The following ASPH variants were observed in gnomAD, a reference collection of about 807,000 sequenced individuals.
The protein encoded by ASPH is aspartate beta-hydroxylase.
In ASPH, 100 loss-of-function variants were observed where a neutral mutation model predicts 118.4. The observed-to-expected ratio is 0.84, with a 90% confidence interval of 0.72 to 1.00. The LOEUF (loss-of-function observed/expected upper bound fraction) is 1.00. Among genes scored for constraint, ASPH ranks in the 50% least tolerant of loss-of-function variants. The pLI is 0.00. For synonymous variants in ASPH, 315 were observed against 325.6 expected, an observed-to-expected ratio of 0.97 and a Z score of 0.35; for missense variants, 920 against 919.5, an observed-to-expected ratio of 1.00 and a Z score of -0.01.
intron 13 of ASPH, 157 bp downstream of exon 13, chr8:61,633,526 G>A: frequency 1.8e-6 from 1 of 567,116 alleles, no homozygotes; most frequent in Non-Finnish European, 3.0e-6. Context: ...CCATTACTTT[G>A]GTTGAACTGA....
At chr8:61,537,028 C>G (rs1819889896) in intron 21 of ASPH, among the ~76,000 whole-genome samples, 1 of 152,158 alleles carries the variant, frequency 6.6e-6, no homozygotes, top group South Asian at 2.1e-4. Flanking sequence ...GATTGCTTCA[C>G]CTGAGAGGAA....
intron 13 of ASPH, chr8:61,625,178 G>A (rs1852294328): frequency 2.0e-6 from 2 of 985,502 alleles, no homozygotes; most frequent in African/African-American, 1.7e-5. Flanking sequence ...TCTGACAAAG[G>A]ATTATTTTCA....
intron 3 of ASPH, chr8:61,663,537 T>A: frequency 1.0e-6 from 1 of 985,358 alleles, no homozygotes; most frequent in East Asian, 1.1e-4. Flanking sequence ...GAACTCTGAT[T>A]CCAGGTCTAG....
chr8:61,705,375 T>C (rs867413895), intron 1 of ASPH, among the ~76,000 whole-genome samples: 13 of 152,122 alleles, frequency 8.5e-5, no homozygotes, highest in Non-Finnish European at 1.6e-4. Context: ...AACAAACCTG[T>C]ATATGTACCC....
At chr8:61,632,570 C>T (rs1856055563) in intron 13 of ASPH, 2 of 426,592 alleles carry the variant, frequency 4.7e-6, no homozygotes, top group Non-Finnish European at 9.2e-6. Context: ...TACACACTGC[C>T]TAGTAGTCAT....
intron 3 of ASPH, among the ~76,000 whole-genome samples, chr8:61,679,857 T>C (rs1329483499): frequency 2.7e-5 from 4 of 150,888 alleles, no homozygotes; most frequent in East Asian, 1.9e-4. Flanking sequence ...CAGGACTACA[T>C]TGAAAATTTC....
intron 21 of ASPH, among the ~76,000 whole-genome samples, chr8:61,535,141 C>T (rs562321044): frequency 9.2e-5 from 14 of 152,308 alleles, no homozygotes; most frequent in African/African-American, 3.4e-4. Context: ...AACACAGTCT[C>T]TTAATACAGT....
intron 3 of ASPH, among the ~76,000 whole-genome samples, chr8:61,678,178 G>A (rs1025650411): frequency 1.1e-4 from 16 of 152,122 alleles, no homozygotes; most frequent in Admixed American, 5.9e-4. Context: ...TACCTGATAC[G>A]ATGCCAGCTA....
At chr8:61,512,658 T>G (rs968819403) in intron 24 of ASPH, among the ~76,000 whole-genome samples, 2 of 152,208 alleles carry the variant, frequency 1.3e-5, no homozygotes, top group South Asian at 4.1e-4. Context: ...GGCAAGTTAC[T>G]TATCTTTATA....
At position 61,679,957 on chromosome 8, in the gene ASPH, AAC is replaced by A. The variant is rs1324797783; in HGVS notation, c.322+1009_322+1010del. Among the ~76,000 whole-genome samples the A allele has an allele frequency of 3.7e-3, 429 of 117,482 alleles. 2 individuals carry two copies. Among genetic ancestry groups the A allele is most frequent in the Non-Finnish European group, 6.0e-3 (318 of 52,922 alleles). The allele number at this position is 117,482 out of a possible 152,430, so 77.1% of individuals were successfully genotyped here. ...TGGGCAATAATAAAAAAAAAAAAAA[AAC>A]AAAAAACACCAACACAGGTCAACAT... On this transcript the variant is annotated intron_variant, in intron 3 of 24. Transcript: ENST00000379454.
At chr8:61,615,219 A>G (rs984768275) in intron 14 of ASPH, among the ~76,000 whole-genome samples, 2 of 152,088 alleles carry the variant, frequency 1.3e-5, no homozygotes, top group Non-Finnish European at 2.9e-5. Flanking sequence ...CTAAGCACAC[A>G]TGCCCTGAGG....
intron 14 of ASPH, among the ~76,000 whole-genome samples, chr8:61,614,562 T>C (rs1381364567): frequency 1.3e-5 from 2 of 152,180 alleles, no homozygotes; most frequent in African/African-American, 2.4e-5. Context: ...CATAGTTCAC[T>C]GCAGCATCGA....
At chr8:61,625,595 CA>C (rs1852470757) in intron 13 of ASPH, 1 of 983,366 alleles carries the variant, frequency 1.0e-6, no homozygotes, top group African/African-American at 1.8e-5. Flanking sequence ...TTTCCCCTCT[CA>C]TTTAAAAAAA....
chr8:61,703,150 T>C (rs74434557), intron 1 of ASPH, among the ~76,000 whole-genome samples: 4,213 of 152,292 alleles, frequency 0.028, 197 homozygotes, highest in African/African-American at 0.095. Flanking sequence ...CCCAATCCAA[T>C]GAAAAGCATC....
intron 13 of ASPH, chr8:61,625,506 C>T (rs1852432365): frequency 2.0e-6 from 2 of 985,126 alleles, no homozygotes. Context: ...TATGATTAAT[C>T]TGAGGTGCCA....
At chr8:61,608,994 A>G (rs890162713) in intron 14 of ASPH, among the ~76,000 whole-genome samples, 1 of 152,222 alleles carries the variant, frequency 6.6e-6, no homozygotes, top group Non-Finnish European at 1.5e-5. Context: ...GTTTGGGTGC[A>G]TCACTGGTTT....
At chr8:61,695,099 C>A (rs77297186) in intron 1 of ASPH, among the ~76,000 whole-genome samples, 142 of 152,314 alleles carry the variant, frequency 9.3e-4, no homozygotes, top group Non-Finnish European at 1.8e-3. Flanking sequence ...AAAGCATTTG[C>A]GTGTGCCATG....
At chr8:61,525,380 G>A (rs553056387) in intron 22 of ASPH, among the ~76,000 whole-genome samples, 39 of 146,624 alleles carry the variant, frequency 2.7e-4, no homozygotes, top group African/African-American at 4.5e-4. Flanking sequence ...ATACACACAC[G>A]CTGGAGCTCC....
At chr8:61,663,979 TAAATA>T (rs1818231199) in intron 3 of ASPH, 1 of 861,072 alleles carries the variant, frequency 1.2e-6, no homozygotes, top group Admixed American at 6.2e-5. Context: ...CATAAAAAAG[TAAATA>T]AATATGTTTT....
Sources: gnomAD v4.1 joint callset for allele counts (sites outside exome capture counted in the v4.1 genomes callset) on GRCh38, gnomAD v4.1.1 for gene constraint, MANE v1.5 for transcripts, NCBI Gene and HGNC (gene_info 2026-07-23, HGNC 2026-07-21) for gene names.